Variants in ACADSB observed in about 807,000 individuals in gnomAD.
The protein encoded by ACADSB is short/branched chain specific acyl-CoA dehydrogenase, mitochondrial.
ACADSB carries 40 observed loss-of-function variants against 54.1 expected under a neutral mutation model. The ratio of observed to expected loss-of-function variants is 0.74; its 90% confidence interval spans 0.57 to 0.96. The LOEUF (loss-of-function observed/expected upper bound fraction) is 0.96, where lower values mean the gene tolerates loss of function less well. Among genes scored for constraint, ACADSB ranks in the 40% least tolerant of loss-of-function variants. The probability of loss-of-function intolerance (pLI) is 0.00; values close to 1 mark genes in which losing one functional copy is unlikely to be tolerated. For missense variants in ACADSB, 530 were observed against 510.4 expected (o/e 1.04, Z -0.37); for synonymous variants, 182 against 182.8 (o/e 1.00, Z 0.03).
intron 1 of ACADSB, among the ~76,000 whole-genome samples, chr10:123,029,714 G>A (rs1269899036): frequency 6.6e-6 from 1 of 152,114 alleles, no homozygotes; most frequent in East Asian, 1.9e-4. Context: ...CAGGTAATTG[G>A]ATTTTTAGTG....
At chr10:123,041,966 CTTTTTTTT>C (rs373340179) in intron 5 of ACADSB, among the ~76,000 whole-genome samples, 1 of 132,698 alleles carries the variant, frequency 7.5e-6, no homozygotes, top group African/African-American at 2.8e-5. Flanking sequence ...TTTTTCTTTT[CTTTTTTTT>C]TTTTTTTTTA....
chr10:123,034,580 A>G (rs1850372426), intron 2 of ACADSB, 65 bp downstream of exon 2: 4 of 1,549,966 alleles, frequency 2.6e-6, no homozygotes, highest in Admixed American at 1.7e-5. Context: ...TAGTGGTGCA[A>G]TCATGGCTCA....
At chr10:123,043,369 C>G (rs1285729041) in intron 6 of ACADSB, among the ~76,000 whole-genome samples, 198 bp downstream of exon 6, 1 of 152,194 alleles carries the variant, frequency 6.6e-6, no homozygotes, top group Non-Finnish European at 1.5e-5. Flanking sequence ...ACCTTTCTGC[C>G]AAGAAGCTGT....
At chr10:123,039,276 G>A (rs1010400946) in intron 3 of ACADSB, among the ~76,000 whole-genome samples, 2 of 152,078 alleles carry the variant, frequency 1.3e-5, no homozygotes, top group Admixed American at 6.6e-5. Context: ...CCATTCAGTC[G>A]CTCGCATTTC....
rs754683515 is a variant in ACADSB at position 123,055,584 on chromosome 10, A to G, written c.*1819A>G. On this transcript the variant is annotated 3_prime_UTR_variant, in exon 11 of 11. Coordinates refer to ENST00000358776, the MANE Select transcript of ACADSB (RefSeq NM_001609.4). ...TCTTAACTCATTTCAGCATTAACCC[A>G]AAAGTCCGCAGTCCAAAGTTTCATC... 6.6e-6 allele frequency: 1 copy of G among 152,182 alleles called. No individual in the cohort carries two copies. The highest frequency in any genetic ancestry group is 1.5e-5 in the Non-Finnish European group (1 of 68,036). 9.4% of individuals were successfully genotyped at this position (152,182 alleles called of 1,614,324 possible).
intron 1 of ACADSB, among the ~76,000 whole-genome samples, chr10:123,032,583 CTTTTT>C (rs889911796): frequency 9.4e-6 from 1 of 106,932 alleles, no homozygotes; most frequent in Non-Finnish European, 1.9e-5. Flanking sequence ...AATTTCCATT[CTTTTT>C]TTTTTTTTTT....
intron 7 of ACADSB, among the ~76,000 whole-genome samples, chr10:123,045,158 T>TATAGATATATATATAG (rs1850540646): frequency 6.4e-5 from 1 of 15,528 alleles, no homozygotes; most frequent in African/African-American, 3.0e-4. Flanking sequence ...TATATATATA[T>TATAGATATATATATAG]ATATATATAT....
Position 123,048,770 on chromosome 10 carries a change from C to G in ACADSB, c.990+1472C>G, listed in dbSNP as rs1850592346. ...TTGAGACAGAGTCTCGCTCTGTCAC[C>G]CAGGCTGGAGTGCAGGGGCGCTATC... On this transcript the variant is annotated intron_variant, in intron 8 of 10. Coordinates refer to ENST00000358776, the MANE Select transcript of ACADSB (RefSeq NM_001609.4). Among the ~76,000 whole-genome samples the G allele has an allele frequency of 2.0e-5, 3 of 151,770 alleles. No individual in the cohort carries two copies. In the South Asian group the frequency reaches 6.3e-4, roughly 32 times the overall value.
At position 123,052,044 on chromosome 10, in the gene ACADSB, C is replaced by T. The variant is rs1264355435; in HGVS notation, c.1128+858C>T. On this transcript the variant is annotated intron_variant, in intron 9 of 10. Transcript: ENST00000358776. This position sits in a 1 kb window ranked among gnomAD's most constrained non-coding sequence, Gnocchi z 4.2. ...CTGCCCTCCTGGTCCCTGGTGCTTC[C>T]TCCCATCCAGCCTCTCTCCTTTTTC... 1.3e-5 allele frequency among the ~76,000 whole-genome samples: 2 copies of T among 152,206 alleles called. No homozygotes were observed. Among genetic ancestry groups the T allele is most frequent in the African/African-American group, 2.4e-5 (1 of 41,454 alleles).
At position 123,029,303 on chromosome 10, in the gene ACADSB, G is replaced by A. The variant is rs181189229; in HGVS notation, c.43-5053G>A. On this transcript the variant is annotated intron_variant, in intron 1 of 10. Transcript: ENST00000358776. The stretch of plus-strand genomic sequence containing the variant: ...GCAGTTTGTAGTGAGCTGAAACCAC[G>A]ACACTGCACTCCAGCCTGGGTGATA... Among the ~76,000 whole-genome samples, 259 of 150,444 alleles carry A rather than the reference G, an allele frequency of 1.7e-3. 2 individuals carry two copies. Among genetic ancestry groups the A allele is most frequent in the Admixed American group, 0.011 (163 of 15,064 alleles).
At chr10:123,023,501 A>G (rs530383393) in intron 1 of ACADSB, among the ~76,000 whole-genome samples, 1 of 152,274 alleles carries the variant, frequency 6.6e-6, no homozygotes, top group Non-Finnish European at 1.5e-5. Flanking sequence ...CACACAAACA[A>G]AGATCCAGTA....
chr10:123,049,191 G>GT (rs1850597687), intron 8 of ACADSB, among the ~76,000 whole-genome samples: 1 of 152,144 alleles, frequency 6.6e-6, no homozygotes, highest in South Asian at 2.1e-4. Context: ...AGTTAGTGGA[G>GT]TTTTTTCTAA....
intron 1 of ACADSB, among the ~76,000 whole-genome samples, chr10:123,021,507 C>G (rs1181481345): frequency 6.6e-6 from 1 of 152,210 alleles, no homozygotes; most frequent in African/African-American, 2.4e-5. Context: ...TCCTTTAACC[C>G]TCTAAACTAG....
chr10:123,011,609 C>G (rs1462032963), intron 1 of ACADSB, among the ~76,000 whole-genome samples: 1 of 151,626 alleles, frequency 6.6e-6, no homozygotes. Context: ...TCACTGTAAC[C>G]TATGCCACCC....
chr10:123,050,937 C>T lies in ACADSB; in HGVS notation c.991-112C>T. 4 of 1,106,720 alleles carry T rather than the reference C, an allele frequency of 3.6e-6. No homozygotes were observed. The South Asian group carries it at 4.4e-5, about 12-fold the overall frequency. 68.6% of individuals were successfully genotyped at this position (1,106,720 alleles called of 1,614,324 possible). A position where few individuals can be genotyped will look rare whatever the true frequency, so the allele number is the denominator to read the frequency against. ...TTTAAAAGACGTGAATGTAAATTTC[C>T]TTTGGGGTGTATTTTGAGTCTGTCA... On this transcript the variant is annotated intron_variant, in intron 8 of 10. Coordinates refer to ENST00000358776, the MANE Select transcript of ACADSB (RefSeq NM_001609.4).
chr10:123,050,023 A>G (rs185204924), intron 8 of ACADSB, among the ~76,000 whole-genome samples: 1 of 152,354 alleles, frequency 6.6e-6, no homozygotes, highest in Non-Finnish European at 1.5e-5. Flanking sequence ...ATTATGCTTT[A>G]TAGCCTACAT....
In ACADSB at chr10:123,052,633, G is replaced by T. The variant is rs1254955925; in HGVS notation, c.1129-428G>T. 2 of 256,376 alleles carry T rather than the reference G, an allele frequency of 7.8e-6. No homozygotes were observed. The highest frequency in any genetic ancestry group is 7.6e-6 in the Non-Finnish European group (1 of 131,258). The allele number at this position is 256,376 out of a possible 1,614,324, so 15.9% of individuals were successfully genotyped here. ...GAGGGGCCATTCTGCAGGGTCTCTC[G>T]CTCCTCCATTCTCTTTTCACATTTC... On this transcript the variant is annotated intron_variant, in intron 9 of 10. Coordinates refer to ENST00000358776, the MANE Select transcript of ACADSB (RefSeq NM_001609.4). The surrounding 1 kb of genome is among the most constrained non-coding windows in gnomAD (Gnocchi z 4.2).
chr10:123,053,982 A>C lies in ACADSB; in HGVS notation c.*217A>C. 1 of 604,642 alleles carries C rather than the reference A, an allele frequency of 1.7e-6. No individual in the cohort carries two copies. The highest frequency in any genetic ancestry group is 2.9e-6 in the Non-Finnish European group (1 of 342,378). 37.5% of individuals were successfully genotyped at this position (604,642 alleles called of 1,614,324 possible). On this transcript the variant is annotated 3_prime_UTR_variant, in exon 11 of 11. Transcript: ENST00000358776. ...GGAGATCCACTTTTAAACTTGGGAA[A>C]TAAGCACCTGTATTTTTTTCCAAAA...
chr10:123,011,550 G>A (rs1248656839), intron 1 of ACADSB, among the ~76,000 whole-genome samples: 4 of 143,876 alleles, frequency 2.8e-5, no homozygotes, highest in African/African-American at 7.7e-5. Flanking sequence ...TTTTTGAGAC[G>A]GAGTCTTACT....
Sources: allele counts gnomAD v4.1 joint callset (sites outside exome capture counted in the v4.1 genomes callset), GRCh38; gene constraint gnomAD v4.1.1; non-coding constraint Gnocchi (gnomAD v3.1); transcripts MANE v1.5; gene names NCBI Gene and HGNC (gene_info 2026-07-23, HGNC 2026-07-21).